Variants in MARCHF3 observed in about 807,000 individuals in gnomAD.
The protein encoded by MARCHF3 is E3 ubiquitin-protein ligase MARCHF3.
Under a neutral mutation model 24.2 loss-of-function variants are expected in MARCHF3, and 13 were observed. The ratio of observed to expected loss-of-function variants is 0.54; its 90% confidence interval spans 0.35 to 0.85. MARCHF3 has a LOEUF of 0.85. Among genes scored for constraint, MARCHF3 ranks in the 40% least tolerant of loss-of-function variants. The probability of loss-of-function intolerance (pLI) is 0.01; values close to 1 mark genes in which losing one functional copy is unlikely to be tolerated. For synonymous variants in MARCHF3, 144 were observed against 137.3 expected (o/e 1.05, Z -0.34); for missense variants, 276 against 325.0 (o/e 0.85, Z 1.16).
intron 3 of MARCHF3, among the ~76,000 whole-genome samples, chr5:126,892,970 T>C (rs950824453): frequency 5.3e-5 from 8 of 151,846 alleles, no homozygotes; most frequent in Non-Finnish European, 7.4e-5. Context: ...TTTCAGATCC[T>C]GTTATTGGTC....
At chr5:126,957,136 T>C (rs1228303744) in intron 1 of MARCHF3, among the ~76,000 whole-genome samples, 6 of 152,262 alleles carry the variant, frequency 3.9e-5, no homozygotes. Flanking sequence ...TAAATATTCC[T>C]TTAAAACTTT....
At chr5:126,954,285 G>A (rs1401276558) in intron 1 of MARCHF3, among the ~76,000 whole-genome samples, 3 of 147,956 alleles carry the variant, frequency 2.0e-5, no homozygotes, top group Non-Finnish European at 4.4e-5. Context: ...TCCTGACCTC[G>A]TGATCCGCCC....
At chr5:126,874,801 G>A (rs1316099498) in intron 4 of MARCHF3, among the ~76,000 whole-genome samples, 1 of 152,146 alleles carries the variant, frequency 6.6e-6, no homozygotes. Flanking sequence ...GGGAAATACC[G>A]CTGAATACCC....
intron 1 of MARCHF3, among the ~76,000 whole-genome samples, chr5:127,029,353 T>C (rs1368836828): frequency 6.6e-6 from 1 of 152,244 alleles, no homozygotes; most frequent in Admixed American, 6.5e-5. Flanking sequence ...TGGACCTGTT[T>C]CTGTCTAGTA....
chr5:126,927,065 T>TC (rs1187063311), intron 1 of MARCHF3, among the ~76,000 whole-genome samples: 3 of 151,970 alleles, frequency 2.0e-5, no homozygotes, highest in Non-Finnish European at 4.4e-5. Flanking sequence ...TCACAGGAAC[T>TC]CCCCCTGGAA....
Position 126,911,245 on chromosome 5 carries a change from G to A in MARCHF3, c.393+3685C>T, listed in dbSNP as rs185618135. On this transcript the variant is annotated intron_variant, in intron 3 of 4. Coordinates refer to ENST00000308660, the MANE Select transcript of MARCHF3 (RefSeq NM_178450.5). Reference sequence around the variant, plus strand: ...TTGTGATATTCTATTACCTTGTGAAGCATGTGATCTCTGTGACCCACACCC... The same window carrying A: ...TTGTGATATTCTATTACCTTGTGAAACATGTGATCTCTGTGACCCACACCC... Among the ~76,000 whole-genome samples the A allele has an allele frequency of 1.6e-4, 25 of 152,238 alleles. No homozygotes were observed. In the East Asian group the frequency reaches 4.6e-3, roughly 28 times the overall value.
At chr5:126,893,147 A>G (rs886628112) in intron 3 of MARCHF3, among the ~76,000 whole-genome samples, 11 of 151,864 alleles carry the variant, frequency 7.2e-5, no homozygotes, top group Non-Finnish European at 1.6e-4. Context: ...CCCCTTTATC[A>G]TTTTTTATTG....
intron 1 of MARCHF3, among the ~76,000 whole-genome samples, chr5:126,962,813 CTGTGTGTGTGTGTGTGTGTGCG>C (rs1750679942): frequency 9.1e-6 from 1 of 110,020 alleles, no homozygotes; most frequent in Non-Finnish European, 2.0e-5. Context: ...AATACTCAAC[CTGTGTGTGTGTGTGTGTGTGCG>C]TGTGTGTGTG....
At chr5:126,941,792 T>A (rs1749838494) in intron 1 of MARCHF3, among the ~76,000 whole-genome samples, 1 of 152,150 alleles carries the variant, frequency 6.6e-6, no homozygotes, top group Admixed American at 6.5e-5. Flanking sequence ...GTTGTTTCCA[T>A]CCAAACACTT....
At chr5:126,981,352 T>C (rs939195380) in intron 1 of MARCHF3, among the ~76,000 whole-genome samples, 1 of 152,208 alleles carries the variant, frequency 6.6e-6, no homozygotes, top group African/African-American at 2.4e-5. Context: ...AGGGATCAAC[T>C]AATCCAATCC....
intron 3 of MARCHF3, among the ~76,000 whole-genome samples, chr5:126,906,068 G>A (rs1754281789): frequency 6.6e-6 from 1 of 151,170 alleles, no homozygotes; most frequent in African/African-American, 2.4e-5. Flanking sequence ...CATCTATTGA[G>A]ATAATCATGT....
chr5:126,972,348 T>G lies in MARCHF3; in HGVS notation c.-56-54121A>C, dbSNP rs1401403661. On this transcript the variant is annotated intron_variant, in intron 1 of 4. Transcript: ENST00000308660. Reference sequence around the variant, plus strand: ...TCCCTAAGTAAGTTTATGGAAGAGATAATGGCAAGAGGTAGGGGCAAAGTA... The same window carrying G: ...TCCCTAAGTAAGTTTATGGAAGAGAGAATGGCAAGAGGTAGGGGCAAAGTA... Among the ~76,000 whole-genome samples the G allele has an allele frequency of 3.3e-5, 5 of 151,556 alleles. No homozygotes were observed. The East Asian group carries it at 9.7e-4, about 29-fold the overall frequency.
chr5:126,911,135 G>T (rs1295505977), intron 3 of MARCHF3, among the ~76,000 whole-genome samples: 1 of 152,194 alleles, frequency 6.6e-6, no homozygotes, highest in African/African-American at 2.4e-5. Context: ...TGTTATCAAT[G>T]ACAATGCATG....
intron 3 of MARCHF3, among the ~76,000 whole-genome samples, chr5:126,885,062 C>T (rs555857382): frequency 5.6e-4 from 86 of 152,258 alleles, no homozygotes; most frequent in Non-Finnish European, 1.0e-3. Context: ...TCAGCTCAAA[C>T]GGCACCTTCT....
chr5:126,875,533 G>A (rs114269186), intron 4 of MARCHF3, among the ~76,000 whole-genome samples: 4 of 152,338 alleles, frequency 2.6e-5, no homozygotes, highest in African/African-American at 9.6e-5. Context: ...GGTTTCTGCC[G>A]CAGGGCAGTT....
chr5:126,961,211 G>A (rs1235514591), intron 1 of MARCHF3, among the ~76,000 whole-genome samples: 1 of 152,100 alleles, frequency 6.6e-6, no homozygotes, highest in Non-Finnish European at 1.5e-5. Flanking sequence ...CACAAACACA[G>A]GTCCTTCCTA....
At chr5:127,028,313 G>C (rs1277681098) in intron 1 of MARCHF3, among the ~76,000 whole-genome samples, 1 of 152,160 alleles carries the variant, frequency 6.6e-6, no homozygotes, top group East Asian at 1.9e-4. Context: ...TAAAGTATCA[G>C]TCACTTGGCT....
intron 1 of MARCHF3, among the ~76,000 whole-genome samples, chr5:126,922,512 T>TTTATTTA (rs1554065919): frequency 1.4e-5 from 2 of 142,876 alleles, no homozygotes; most frequent in Non-Finnish European, 3.0e-5. Flanking sequence ...CATTTCTGTC[T>TTTATTTA]TTTATTTATT....
intron 3 of MARCHF3, among the ~76,000 whole-genome samples, chr5:126,904,478 G>A (rs1463633642): frequency 6.8e-6 from 1 of 148,008 alleles, no homozygotes; most frequent in Non-Finnish European, 1.5e-5. Flanking sequence ...AGCACCTGTT[G>A]TTTCCTGACT....
Sources: gnomAD v4.1 joint callset for allele counts (sites outside exome capture counted in the v4.1 genomes callset) on GRCh38, gnomAD v4.1.1 for gene constraint, MANE v1.5 for transcripts, NCBI Gene and HGNC (gene_info 2026-07-23, HGNC 2026-07-21) for gene names.